The following GPAM variants were observed in gnomAD, a reference collection of about 807,000 sequenced individuals.
GPAM encodes the protein glycerol-3-phosphate acyltransferase, mitochondrial.
Under a neutral mutation model 105.0 loss-of-function variants are expected in GPAM, and 56 were observed. That is an observed-to-expected ratio of 0.53 (90% CI 0.43 to 0.67). The LOEUF (loss-of-function observed/expected upper bound fraction) is 0.67, where lower values mean the gene tolerates loss of function less well. Among genes scored for constraint, GPAM ranks in the 30% least tolerant of loss-of-function variants. The pLI is 0.00. For synonymous variants in GPAM, 368 were observed against 354.4 expected (o/e 1.04, Z -0.43); for missense variants, 855 against 989.8 (o/e 0.86, Z 1.83).
At chr10:112,179,914 T>A (rs1479849405) in intron 4 of GPAM, among the ~76,000 whole-genome samples, 1 of 152,180 alleles carries the variant, frequency 6.6e-6, no homozygotes, top group African/African-American at 2.4e-5. Flanking sequence ...TCTCAAAGAC[T>A]GCACTGTAAT....
intron 9 of GPAM, among the ~76,000 whole-genome samples, chr10:112,170,180 A>T (rs1024124365): frequency 6.6e-6 from 1 of 152,210 alleles, no homozygotes; most frequent in African/African-American, 2.4e-5. Context: ...GATGCCAAAA[A>T]GGTTGGGGAC....
intron 1 of GPAM, among the ~76,000 whole-genome samples, chr10:112,190,913 C>T (rs1310296963): frequency 2.0e-5 from 3 of 152,092 alleles, no homozygotes; most frequent in Admixed American, 6.5e-5. Flanking sequence ...TAGTCCCAAG[C>T]GATTGCTCCC....
At chr10:112,187,572 G>T (rs922423066), upstream of GPAM, among the ~76,000 whole-genome samples, 4 of 151,774 alleles carry the variant, frequency 2.6e-5, no homozygotes, top group African/African-American at 9.7e-5. Flanking sequence ...AAAACTAATC[G>T]AATTGCAAGA....
chr10:112,226,603 G>A, the GPAM span, among the ~76,000 whole-genome samples: 1 of 152,140 alleles, frequency 6.6e-6, no homozygotes. Flanking sequence ...TATGGAAGCT[G>A]CAAAGACCCC....
chr10:112,175,742 T>C (rs781391686), intron 5 of GPAM, 29 bp from the exon 6 acceptor site: 2 of 1,344,850 alleles, frequency 1.5e-6, no homozygotes, highest in East Asian at 4.6e-5. Context: ...AGAGAAGTAT[T>C]AGAGGTACCC....
chr10:112,193,451 C>T (rs951650011), intron 1 of GPAM, among the ~76,000 whole-genome samples: 2 of 152,174 alleles, frequency 1.3e-5, no homozygotes, highest in African/African-American at 2.4e-5. Flanking sequence ...AGGCATTGTC[C>T]TAAGATCTAG....
intron 6 of GPAM, among the ~76,000 whole-genome samples, chr10:112,174,801 C>T (rs1564680924): frequency 6.6e-6 from 1 of 152,296 alleles, no homozygotes; most frequent in Admixed American, 6.5e-5. Flanking sequence ...GACTGATGCA[C>T]CTCCATTATC....
chr10:112,192,898 T>G (rs532921364), intron 1 of GPAM, among the ~76,000 whole-genome samples: 2 of 152,182 alleles, frequency 1.3e-5, no homozygotes, highest in Admixed American at 6.5e-5. Flanking sequence ...CTATGTTGTA[T>G]GCAGGGGCCT....
Position 112,151,110 on chromosome 10 carries a change from ATTG to A in GPAM, c.*2437_*2439del, listed in dbSNP as rs1042815814. 20 of 971,548 alleles carry A rather than the reference ATTG, an allele frequency of 2.1e-5. No homozygotes were observed. In the African/African-American group the frequency reaches 2.3e-4, roughly 11 times the overall value. 60.2% of individuals were successfully genotyped at this position (971,548 alleles called of 1,614,324 possible). A position where few individuals can be genotyped will look rare whatever the true frequency, so the allele number is the denominator to read the frequency against. On this transcript the variant is annotated 3_prime_UTR_variant, in exon 22 of 22. Coordinates refer to ENST00000348367, the MANE Select transcript of GPAM (RefSeq NM_001244949.2). ...AGACTGCAGTTTCATGTTGTTTAAT[ATTG>A]TTTTTTTTTTTTAACTTGACCACAG...
intron 3 of GPAM, 47 bp from the exon 4 acceptor site, chr10:112,180,642 T>C: frequency 6.8e-7 from 1 of 1,481,374 alleles, no homozygotes; most frequent in East Asian, 2.3e-5. Flanking sequence ...GGCAAGAGAA[T>C]ACTTGTCTAC....
chr10:112,154,418 G>A, intron 21 of GPAM: 4 of 592,622 alleles, frequency 6.7e-6, no homozygotes, highest in Non-Finnish European at 1.2e-5. Context: ...TAAAATTCCA[G>A]AACATTCAAA....
At position 112,151,703 on chromosome 10, in the gene GPAM, T is replaced by C. The variant is rs1314698322; in HGVS notation, c.*1847A>G. 5.1e-6 allele frequency: 5 copies of C among 985,184 alleles called. No individual in the cohort carries two copies. Among genetic ancestry groups the C allele is most frequent in the African/African-American group, 1.7e-5 (1 of 57,218 alleles). 61.0% of individuals were successfully genotyped at this position (985,184 alleles called of 1,614,324 possible). On this transcript the variant is annotated 3_prime_UTR_variant, in exon 22 of 22. Transcript: ENST00000348367. ...GGAAGCGAGTCCCAATCTTGAATAA[T>C]GGTGAGCTTGAGTAATCCTTAATTT...
chr10:112,186,427 A>C (rs1450152444), upstream of GPAM, among the ~76,000 whole-genome samples: 1 of 152,140 alleles, frequency 6.6e-6, no homozygotes, highest in Non-Finnish European at 1.5e-5. Context: ...CAGGCAAAAA[A>C]AAAATGCTGT....
chr10:112,197,056 T>G (rs879551735), intron 1 of GPAM, among the ~76,000 whole-genome samples: 3 of 152,248 alleles, frequency 2.0e-5, no homozygotes, highest in Non-Finnish European at 4.4e-5. Context: ...AGATCAATAA[T>G]GTTGGTTTTT....
chr10:112,198,782 T>C (rs1436630023), intron 1 of GPAM, among the ~76,000 whole-genome samples: 3 of 152,194 alleles, frequency 2.0e-5, no homozygotes, highest in Non-Finnish European at 4.4e-5. Context: ...TATGTGTCCG[T>C]TGATGGAAGA....
At chr10:112,173,580 G>A (rs1847350898) in intron 7 of GPAM, 119 bp downstream of exon 7, 3 of 980,220 alleles carry the variant, frequency 3.1e-6, no homozygotes, top group South Asian at 1.3e-5. Flanking sequence ...TTAATATCAG[G>A]ATTCATTAAA....
At chr10:112,200,877 C>T (rs1847789756) in intron 1 of GPAM, among the ~76,000 whole-genome samples, 1 of 152,212 alleles carries the variant, frequency 6.6e-6, no homozygotes, top group East Asian at 1.9e-4. Flanking sequence ...TCTTTTAAAC[C>T]TTAAACAGGT....
rs769337719 is a variant in GPAM at position 112,180,576 on chromosome 10, G to A, written c.122C>T (p.Pro41Leu). 1.9e-6 allele frequency: 3 copies of A among 1,609,760 alleles called. No individual in the cohort carries two copies. Among genetic ancestry groups the A allele is most frequent in the South Asian group, 1.1e-5 (1 of 90,982 alleles). ...SEEWGECGFRPTIFRSATLKW... is the reference protein window; with the variant it reads ...SEEWGECGFRLTIFRSATLKW... ...TAAAGTTGCAGATCTGAAGATGGTG[G>A]GTCTAAAGCCACACTCACCCTGACA... The change falls in exon 4 of 22, where the codon CCC becomes CTC. Residue 41 changes from proline (P) to leucine (L), a missense_variant. Transcript: ENST00000348367.
chr10:112,191,081 G>A (rs1024543480), intron 1 of GPAM, among the ~76,000 whole-genome samples: 1 of 152,192 alleles, frequency 6.6e-6, no homozygotes, highest in Non-Finnish European at 1.5e-5. Flanking sequence ...GGGAGAGTGA[G>A]GAGGGCAGAG....
Sources: gnomAD v4.1 joint callset for allele counts (sites outside exome capture counted in the v4.1 genomes callset) on GRCh38, gnomAD v4.1.1 for gene constraint, MANE v1.5 for transcripts, NCBI Gene and HGNC (gene_info 2026-07-23, HGNC 2026-07-21) for gene names.